The following NAT2 variants were observed in gnomAD, a reference collection of about 807,000 sequenced individuals.
NAT2 encodes N-acetyltransferase 2, also known as arylamine N-acetyltransferase 2.
For synonymous variants in NAT2, 137 were observed against 125.9 expected (o/e 1.09, Z -0.59); for missense variants, 428 against 339.1 (o/e 1.26, Z -2.06).
upstream of NAT2, among the ~76,000 whole-genome samples, chr8:18,386,892 C>G (rs1284936290): frequency 1.3e-5 from 2 of 152,232 alleles, no homozygotes; most frequent in Non-Finnish European, 2.9e-5. Flanking sequence ...CGTGCCTGAT[C>G]TGAGGCCTCA....
chr8:18,395,236 A>T (rs915236265), intron 1 of NAT2, among the ~76,000 whole-genome samples: 2 of 152,154 alleles, frequency 1.3e-5, no homozygotes, highest in Non-Finnish European at 2.9e-5. Flanking sequence ...AGCACCCCTT[A>T]GAGTCCTATA....
intron 1 of NAT2, among the ~76,000 whole-genome samples, chr8:18,395,194 A>G (rs915809078): frequency 2.0e-5 from 3 of 152,070 alleles, no homozygotes; most frequent in South Asian, 2.1e-4. Context: ...CAGTGGCACA[A>G]TCTCCAAAGT....
upstream of NAT2, chr8:18,387,195 G>C (rs1800517903): frequency 6.6e-6 from 1 of 152,466 alleles, no homozygotes; most frequent in South Asian, 2.0e-4. Flanking sequence ...CCTTCTTCCT[G>C]CTTAGGTTTT....
upstream of NAT2, among the ~76,000 whole-genome samples, chr8:18,388,307 T>A (rs1312255313): frequency 1.3e-5 from 2 of 152,194 alleles, no homozygotes; most frequent in East Asian, 3.8e-4. Context: ...GAATAAATTG[T>A]GATTATCTGT....
chr8:18,392,965 C>T (rs1411384696), intron 1 of NAT2, among the ~76,000 whole-genome samples: 2 of 152,208 alleles, frequency 1.3e-5, no homozygotes, highest in South Asian at 2.1e-4. Flanking sequence ...GACTCTCAAT[C>T]GCTCTGGATC....
rs571409765 is a variant in NAT2, at chr8:18,398,208, A to G, written c.-6-1790A>G. Among the ~76,000 whole-genome samples the G allele has an allele frequency of 1.9e-3, 282 of 152,248 alleles. 4 individuals are homozygous for G. Among genetic ancestry groups the G allele is most frequent in the Non-Finnish European group, 2.6e-4 (18 of 68,020 alleles). ...AAATATGATTGAGGCAAAAGGCATA[A>G]CCTAATGCCAATGGACTGGGGAAAC... On this transcript the variant is annotated intron_variant, in intron 1 of 1. Coordinates refer to ENST00000286479, the MANE Select transcript of NAT2 (RefSeq NM_000015.3).
Position 18,401,033 on chromosome 8 carries a change from A to G in NAT2, c.*157A>G, listed in dbSNP as rs528808128. On this transcript the variant is annotated 3_prime_UTR_variant, in exon 2 of 2. Transcript: ENST00000286479. ...TAAAAATGTCAGCATTTATTAAAAA[A>G]CAATAACTTTTTAAAGAAACATAAG... The G allele has an allele frequency of 1.9e-6, 1 of 517,226 alleles. No individual in the cohort carries two copies. Among genetic ancestry groups the G allele is most frequent in the East Asian group, 3.4e-5 (1 of 29,702 alleles). 32.0% of individuals were successfully genotyped at this position (517,226 alleles called of 1,614,324 possible).
chr8:18,397,917 T>C (rs1024853998), intron 1 of NAT2, among the ~76,000 whole-genome samples: 1 of 152,172 alleles, frequency 6.6e-6, no homozygotes, highest in Admixed American at 6.5e-5. Flanking sequence ...GATGCTGAAG[T>C]GTTTCGTCTT....
upstream of NAT2, among the ~76,000 whole-genome samples, chr8:18,390,481 T>C (rs993706410): frequency 3.3e-4 from 50 of 152,186 alleles, no homozygotes; most frequent in African/African-American, 1.1e-3. Context: ...GACATGCTAA[T>C]TACCATGATT....
chr8:18,392,003 C>T (rs562212090), intron 1 of NAT2, among the ~76,000 whole-genome samples: 1 of 152,190 alleles, frequency 6.6e-6, no homozygotes, highest in Non-Finnish European at 1.5e-5. Context: ...ATCTTTGAAT[C>T]CACCTTTGTC....
At chr8:18,387,974 A>C (rs1800532388), upstream of NAT2, among the ~76,000 whole-genome samples, 1 of 152,180 alleles carries the variant, frequency 6.6e-6, no homozygotes, top group Non-Finnish European at 1.5e-5. Context: ...ACCTCACTTC[A>C]GTTAGGCCCT....
At chr8:18,393,238 A>G (rs1025537931) in intron 1 of NAT2, among the ~76,000 whole-genome samples, 5 of 152,172 alleles carry the variant, frequency 3.3e-5, no homozygotes, top group Non-Finnish European at 4.4e-5. Flanking sequence ...AGAGGTGTTT[A>G]GATAGAGACA....
chr8:18,387,681 TC>T (rs1800526776), upstream of NAT2: 1 of 156,808 alleles, frequency 6.4e-6, no homozygotes, highest in Admixed American at 6.5e-5. Flanking sequence ...CCTCTTCCGG[TC>T]CCGCTCCTTC....
At position 18,400,292 on chromosome 8, in the gene NAT2, C is replaced by G. The variant is rs1233452008; in HGVS notation, c.289C>G (p.Pro97Ala). 5 of 1,613,700 alleles carry G rather than the reference C, an allele frequency of 3.1e-6. No homozygotes were observed. The highest frequency in any genetic ancestry group is 2.2e-5 in the South Asian group (2 of 91,020). Residue 97 changes from proline to alanine, a missense_variant, in exon 2 of 2, where the codon CCA becomes GCA. Physicochemically the swap from Pro to Ala is conservative, Grantham distance 27 (BLOSUM62 -1). Coordinates refer to ENST00000286479, the MANE Select transcript of NAT2 (RefSeq NM_000015.3). ...TMLGGYFYIPPVNKYSTGMVH... is the reference protein window; with the variant it reads ...TMLGGYFYIPAVNKYSTGMVH... The stretch of plus-strand genomic sequence containing the variant: ...GTTAGGAGGGTATTTTTACATCCCT[C>G]CAGTTAACAAATACAGCACTGGCAT...
Position 18,400,567 on chromosome 8 carries a change from A to G in NAT2, c.564A>G (p.Lys188=). Residue 188 remains lysine, a synonymous_variant, in exon 2 of 2, where the codon AAA becomes AAG. Coordinates refer to ENST00000286479, the MANE Select transcript of NAT2 (RefSeq NM_000015.3). ...SHLLPKKKHQ[K]IYLFTLEPRT... is the part of the protein sequence containing the mutation. ...TCCTGCCAAAGAAGAAACACCAAAA[A>G]ATATACTTATTTACGCTTGAACCTC... 1 of 1,612,598 alleles carries G rather than the reference A, an allele frequency of 6.2e-7. No individual in the cohort carries two copies. The highest frequency in any genetic ancestry group is 8.5e-7 in the Non-Finnish European group (1 of 1,179,650).
In NAT2 at chr8:18,400,984, C is replaced by A; in HGVS notation, c.*108C>A. On this transcript the variant is annotated 3_prime_UTR_variant, in exon 2 of 2. Coordinates refer to ENST00000286479, the MANE Select transcript of NAT2 (RefSeq NM_000015.3). The stretch of plus-strand genomic sequence containing the variant: ...CCCTCACGTTATTTTGAAGAAAATC[C>A]TAAACATCAAATACTTTCATCCATA... 1 of 723,254 alleles carries A rather than the reference C, an allele frequency of 1.4e-6. No individual in the cohort carries two copies. The highest frequency in any genetic ancestry group is 2.1e-6 in the Non-Finnish European group (1 of 480,738). 44.8% of individuals were successfully genotyped at this position (723,254 alleles called of 1,614,324 possible). A position where few individuals can be genotyped will look rare whatever the true frequency, so the allele number is the denominator to read the frequency against.
Position 18,400,743 on chromosome 8 carries a change from A to G in NAT2, c.740A>G (p.Lys247Arg). Residue 247 changes from lysine to arginine, a missense_variant, in exon 2 of 2, where the codon AAA (lysine) becomes AGA (arginine). Transcript: ENST00000286479. ...FILTYRKFNY[K>R]DNTDLVEFKT... is the part of the protein sequence containing the mutation. ...CTCACCTATAGAAAATTCAATTATA[A>G]AGACAATACAGATCTGGTCGAGTTT... 1 of 1,613,736 alleles carries G rather than the reference A, an allele frequency of 6.2e-7. No homozygotes were observed. The highest frequency in any genetic ancestry group is 1.1e-5 in the South Asian group (1 of 91,068).
rs201339185 is a variant in NAT2 at position 18,400,054 on chromosome 8, C to G, written c.51C>G (p.Asn17Lys). 2.5e-5 allele frequency: 41 copies of G among 1,610,986 alleles called. No individual in the cohort carries two copies. Among genetic ancestry groups the G allele is most frequent in the Non-Finnish European group, 3.3e-5 (39 of 1,178,338 alleles). ...GAATTGGCTATAAGAACTCTAGGAA[C>G]AAATTGGACTTGGAAACATTAACTG... ...FERIGYKNSR[N>K]KLDLETLTDI... The change falls in exon 2 of 2, where the codon AAC (asparagine) becomes AAG (lysine). Residue 17 changes from asparagine to lysine, a missense_variant. Coordinates refer to ENST00000286479, the MANE Select transcript of NAT2 (RefSeq NM_000015.3).
At chr8:18,395,564 G>C (rs766518042) in intron 1 of NAT2, among the ~76,000 whole-genome samples, 23 of 152,060 alleles carry the variant, frequency 1.5e-4, no homozygotes, top group Non-Finnish European at 2.6e-4. Context: ...GAATATGTCT[G>C]TTTTTGGCTT....
Sources: gnomAD v4.1 joint callset for allele counts (sites outside exome capture counted in the v4.1 genomes callset) on GRCh38, gnomAD v4.1.1 for gene constraint, MANE v1.5 for transcripts, NCBI Gene and HGNC (gene_info 2026-07-23, HGNC 2026-07-21) for gene names.